KAZN: variants seen among roughly 807,000 people sequenced by gnomAD.
The protein encoded by KAZN is kazrin.
In KAZN, 40 loss-of-function variants were observed where a neutral mutation model predicts 87.4. That is an observed-to-expected ratio of 0.46 (90% CI 0.36 to 0.60). The LOEUF (loss-of-function observed/expected upper bound fraction) is 0.60, where lower values mean the gene tolerates loss of function less well. Ranked by LOEUF, KAZN falls within the 20% of genes least tolerant of loss-of-function variation. KAZN has a pLI of 0.00. For missense variants in KAZN, 898 were observed against 1,073.9 expected, an observed-to-expected ratio of 0.84 and a Z score of 2.29; for synonymous variants, 466 against 458.3, an observed-to-expected ratio of 1.02 and a Z score of -0.22.
At chr1:14,028,985 A>C (rs1444097415) in intron 1 of KAZN, among the ~76,000 whole-genome samples, 1 of 152,150 alleles carries the variant, frequency 6.6e-6, no homozygotes, top group Non-Finnish European at 1.5e-5. Context: ...TTGGGTATAT[A>C]CCCAGTAATG....
chr1:14,315,396 T>C (rs1181188190), intron 2 of KAZN, among the ~76,000 whole-genome samples: 1 of 152,152 alleles, frequency 6.6e-6, no homozygotes, highest in East Asian at 1.9e-4. Flanking sequence ...AATAATTACA[T>C]ATAATACATC....
chr1:14,318,966 C>T (rs72644469), intron 2 of KAZN, among the ~76,000 whole-genome samples: 12,551 of 151,226 alleles, frequency 0.083, 710 homozygotes, highest in East Asian at 0.22. Context: ...TTGCTAATTG[C>T]TTTATCTCTG....
At chr1:14,840,376 G>A (rs1027256403) in intron 1 of KAZN, among the ~76,000 whole-genome samples, 1 of 152,108 alleles carries the variant, frequency 6.6e-6, no homozygotes, top group Non-Finnish European at 1.5e-5. Flanking sequence ...TGAGCATTTG[G>A]GTGCCCCTGT....
At chr1:15,032,297 A>G (rs1439376400) in intron 2 of KAZN, among the ~76,000 whole-genome samples, 1 of 141,730 alleles carries the variant, frequency 7.1e-6, no homozygotes, top group Non-Finnish European at 1.5e-5. Flanking sequence ...GGTTCACGCC[A>G]TTCTCCTGCC....
chr1:14,048,431 T>G (rs1273811327), intron 1 of KAZN, among the ~76,000 whole-genome samples: 1 of 149,976 alleles, frequency 6.7e-6, no homozygotes, highest in Middle Eastern at 3.4e-3. Flanking sequence ...TGAGATAGAG[T>G]CTTGCTCTGT....
chr1:14,408,168 T>C (rs550980373), intron 2 of KAZN, among the ~76,000 whole-genome samples: 1 of 152,222 alleles, frequency 6.6e-6, no homozygotes, highest in Non-Finnish European at 1.5e-5. Flanking sequence ...TCTCTGCAAA[T>C]GCTTACATTT....
chr1:13,921,923 G>A (rs566550094), intron 1 of KAZN, among the ~76,000 whole-genome samples: 3 of 152,226 alleles, frequency 2.0e-5, no homozygotes, highest in East Asian at 1.9e-4. Context: ...GAGCCACTGC[G>A]TCCAGCCCCA....
At chr1:14,984,921 A>T (rs943182383) in intron 2 of KAZN, among the ~76,000 whole-genome samples, 1 of 151,564 alleles carries the variant, frequency 6.6e-6, no homozygotes, top group African/African-American at 2.4e-5. Context: ...GCAGATCACG[A>T]GGTCAGGAGT....
At chr1:14,335,116 C>CG (rs1553159285) in intron 2 of KAZN, among the ~76,000 whole-genome samples, 3 of 150,294 alleles carry the variant, frequency 2.0e-5, no homozygotes, top group Admixed American at 6.7e-5. Context: ...GCCCCCCCCC[C>CG]ACCACCCCAG....
At chr1:14,711,880 CTG>C (rs562711230) in intron 1 of KAZN, among the ~76,000 whole-genome samples, 1,702 of 152,350 alleles carry the variant, frequency 0.011, 14 homozygotes, top group Non-Finnish European at 0.019. Flanking sequence ...TGCACAGAAA[CTG>C]TGAGACACTC....
At chr1:14,412,889 T>G (rs1664419143) in intron 2 of KAZN, among the ~76,000 whole-genome samples, 2 of 150,720 alleles carry the variant, frequency 1.3e-5, no homozygotes, top group Admixed American at 1.3e-4. Context: ...CACTGTGATA[T>G]GGACTCAGAA....
intron 1 of KAZN, among the ~76,000 whole-genome samples, chr1:14,661,268 A>T (rs1186857769): frequency 6.6e-6 from 1 of 152,134 alleles, no homozygotes; most frequent in Non-Finnish European, 1.5e-5. Flanking sequence ...CTACTCTCTG[A>T]TAATTCCATC....
At chr1:14,969,770 A>G (rs769473346) in intron 2 of KAZN, among the ~76,000 whole-genome samples, 9 of 152,122 alleles carry the variant, frequency 5.9e-5, no homozygotes, top group Non-Finnish European at 1.0e-4. Flanking sequence ...TGGATTCCTA[A>G]AAAGAACCCA....
chr1:14,272,763 C>A (rs1652050834), intron 2 of KAZN, among the ~76,000 whole-genome samples: 1 of 152,102 alleles, frequency 6.6e-6, no homozygotes. Context: ...GAGGCTGAGG[C>A]CGGAGAATCA....
intron 1 of KAZN, among the ~76,000 whole-genome samples, chr1:14,150,430 C>A (rs1645447371): frequency 6.6e-6 from 1 of 152,222 alleles, no homozygotes; most frequent in Non-Finnish European, 1.5e-5. Context: ...AGTCTACACC[C>A]TTTCACTTGG....
At chr1:14,521,824 T>C (rs1177291692) in intron 2 of KAZN, among the ~76,000 whole-genome samples, 1 of 152,172 alleles carries the variant, frequency 6.6e-6, no homozygotes, top group African/African-American at 2.4e-5. Context: ...ACATCATGGT[T>C]TGGGTCAGAA....
intron 11 of KAZN, among the ~76,000 whole-genome samples, 158 bp from the exon 12 acceptor site, chr1:15,103,201 A>T (rs1641144857): frequency 6.6e-6 from 1 of 152,112 alleles, no homozygotes; most frequent in Non-Finnish European, 1.5e-5. Context: ...TGGGAGGCGG[A>T]GGTTGCAGTG....
chr1:14,875,205 C>A (rs1161357552), intron 1 of KAZN, among the ~76,000 whole-genome samples: 1 of 151,834 alleles, frequency 6.6e-6, no homozygotes, highest in South Asian at 2.1e-4. Flanking sequence ...ATGGTGCATG[C>A]CTGTAATCCC....
At chr1:13,939,075 C>T (rs1056727259) in intron 1 of KAZN, among the ~76,000 whole-genome samples, 6 of 152,218 alleles carry the variant, frequency 3.9e-5, no homozygotes, top group African/African-American at 1.4e-4. Context: ...ATTGTCTTGG[C>T]TATCAGCACC....
Sources: gnomAD v4.1 joint callset for allele counts (sites outside exome capture counted in the v4.1 genomes callset) on GRCh38, gnomAD v4.1.1 for gene constraint, MANE v1.5 for transcripts, NCBI Gene and HGNC (gene_info 2026-07-23, HGNC 2026-07-21) for gene names.